SLC39A14: variants seen among roughly 807,000 people sequenced by gnomAD.
The protein encoded by SLC39A14 is solute carrier family 39 member 14, also known as metal cation symporter ZIP14.
A neutral mutation model predicts 45.5 loss-of-function variants in SLC39A14; 19 were observed. The observed-to-expected ratio is 0.42, with a 90% CI of 0.29 to 0.61. The LOEUF (loss-of-function observed/expected upper bound fraction) is 0.61. Among genes scored for constraint, SLC39A14 ranks in the 20% least tolerant of loss-of-function variants. The pLI is 0.22. For missense variants in SLC39A14, 447 were observed against 616.5 expected, an observed-to-expected ratio of 0.73 and a Z score of 2.91; for synonymous variants, 264 against 251.3, an observed-to-expected ratio of 1.05 and a Z score of -0.48.
At chr8:22,386,576 C>T (rs1229830126) in intron 1 of SLC39A14, among the ~76,000 whole-genome samples, 3 of 152,178 alleles carry the variant, frequency 2.0e-5, no homozygotes, top group Non-Finnish European at 4.4e-5. Context: ...CCAGATGACT[C>T]TTTCATTAAG....
intron 1 of SLC39A14, among the ~76,000 whole-genome samples, chr8:22,375,417 A>G (rs906826576): frequency 6.0e-5 from 9 of 150,400 alleles, no homozygotes; most frequent in African/African-American, 2.2e-4. Context: ...AGGGGATACA[A>G]TTGGCTATCT....
chr8:22,390,993 G>A (rs1028580262), intron 1 of SLC39A14, among the ~76,000 whole-genome samples: 1 of 152,216 alleles, frequency 6.6e-6, no homozygotes. Context: ...TCTGGAGCAG[G>A]CGGCTTCTTG....
intron 2 of SLC39A14, among the ~76,000 whole-genome samples, chr8:22,407,928 C>T (rs1209577370): frequency 6.6e-6 from 1 of 151,792 alleles, no homozygotes; most frequent in Non-Finnish European, 1.5e-5. Flanking sequence ...GGCTGGTCTC[C>T]AATTTCTGTC....
rs909043545 is a variant in SLC39A14 at position 22,421,036 on chromosome 8, C to G, written c.*1338C>G. 7 of 985,750 alleles carry G rather than the reference C, an allele frequency of 7.1e-6. No individual in the cohort carries two copies. In the African/African-American group the frequency reaches 8.7e-5, roughly 12 times the overall value. The allele number at this position is 985,750 out of a possible 1,614,324, so 61.1% of individuals were successfully genotyped here. A position where few individuals can be genotyped will look rare whatever the true frequency, so the allele number is the denominator to read the frequency against. On this transcript the variant is annotated 3_prime_UTR_variant, in exon 9 of 9. Coordinates refer to ENST00000381237, the MANE Select transcript of SLC39A14 (RefSeq NM_001128431.4). The stretch of plus-strand genomic sequence containing the variant: ...AGCCCTTGCCTCCGAGCTCTGGCTT[C>G]AAGGGGAGCTCTTCTCCAGGTTCAC...
chr8:22,410,041 C>T (rs1563581924), intron 3 of SLC39A14: 2 of 1,614,144 alleles, frequency 1.2e-6, no homozygotes, highest in Admixed American at 1.7e-5. Context: ...GTTTTTCAGC[C>T]GTGTGCTCAC....
chr8:22,375,071 C>T (rs1400083962), intron 1 of SLC39A14, among the ~76,000 whole-genome samples: 12 of 152,094 alleles, frequency 7.9e-5, no homozygotes. Context: ...GGAGCAACTC[C>T]ATGGCCCCAC....
intron 1 of SLC39A14, among the ~76,000 whole-genome samples, chr8:22,374,457 G>T (rs1399466991): frequency 6.6e-6 from 1 of 152,118 alleles, no homozygotes; most frequent in East Asian, 1.9e-4. Context: ...GACAGAGAAG[G>T]CTTCTTGGGG....
chr8:22,374,986 T>C (rs1386446735), intron 1 of SLC39A14, among the ~76,000 whole-genome samples: 4 of 151,794 alleles, frequency 2.6e-5, no homozygotes, highest in Non-Finnish European at 5.9e-5. Context: ...CCTCAAGTGA[T>C]CCACCCGCCT....
intron 1 of SLC39A14, among the ~76,000 whole-genome samples, chr8:22,385,279 G>A (rs1833732056): frequency 6.6e-6 from 1 of 152,166 alleles, no homozygotes; most frequent in Non-Finnish European, 1.5e-5. Context: ...CCTCATGAAT[G>A]GGCAGTGGGA....
intron 1 of SLC39A14, among the ~76,000 whole-genome samples, chr8:22,397,365 T>A (rs1440913595): frequency 1.3e-5 from 2 of 151,880 alleles, no homozygotes; most frequent in Non-Finnish European, 2.9e-5. Flanking sequence ...AATCACGAGG[T>A]CAGGAGATCG....
chr8:22,368,785 C>T (rs1832783649), intron 1 of SLC39A14, among the ~76,000 whole-genome samples: 3 of 152,180 alleles, frequency 2.0e-5, no homozygotes, highest in South Asian at 4.1e-4. Flanking sequence ...ATCCGCCCAC[C>T]TCAGCCTTCC....
At chr8:22,398,742 A>C in intron 1 of SLC39A14, 1 of 985,458 alleles carries the variant, frequency 1.0e-6, no homozygotes, top group Non-Finnish European at 1.2e-6. Context: ...GCGTCTGTGC[A>C]GGACAGAAGT....
At chr8:22,430,701 C>G (rs1836452862) in intron 8 of SLC39A14, among the ~76,000 whole-genome samples, 1 of 152,010 alleles carries the variant, frequency 6.6e-6, no homozygotes, top group Non-Finnish European at 1.5e-5. Context: ...GAGACAGGGT[C>G]TTGCTCTGTC....
chr8:22,405,094 C>A, intron 2 of SLC39A14, 114 bp downstream of exon 2: 1 of 921,318 alleles, frequency 1.1e-6, no homozygotes, highest in Non-Finnish European at 1.6e-6. Context: ...TAGGATGAGG[C>A]AGACAAGTCT....
At chr8:22,372,964 T>TTA (rs1554510520) in intron 1 of SLC39A14, among the ~76,000 whole-genome samples, 1 of 147,414 alleles carries the variant, frequency 6.8e-6, no homozygotes, top group Non-Finnish European at 1.5e-5. Flanking sequence ...ACGTTAACAT[T>TTA]AAAAAAAAAA....
chr8:22,397,195 C>A (rs1389045803), intron 1 of SLC39A14, among the ~76,000 whole-genome samples: 1 of 152,142 alleles, frequency 6.6e-6, no homozygotes, highest in Non-Finnish European at 1.5e-5. Context: ...GATTCACGTC[C>A]GTGGCCCTTC....
chr8:22,385,743 T>G (rs1477335895), intron 1 of SLC39A14, among the ~76,000 whole-genome samples: 2 of 151,868 alleles, frequency 1.3e-5, no homozygotes, highest in Non-Finnish European at 2.9e-5. Flanking sequence ...ACACCCATAA[T>G]CCTAGCACTT....
At chr8:22,389,573 A>G (rs940891276) in intron 1 of SLC39A14, among the ~76,000 whole-genome samples, 1 of 151,986 alleles carries the variant, frequency 6.6e-6, no homozygotes. Context: ...ATGCCTCGCT[A>G]CTGCTGCACA....
chr8:22,381,833 A>C (rs943712668), intron 1 of SLC39A14, among the ~76,000 whole-genome samples: 24 of 152,106 alleles, frequency 1.6e-4, no homozygotes, highest in African/African-American at 5.8e-4. Context: ...AAACAAATGA[A>C]TATATCAGCA....
Sources: gnomAD v4.1 joint callset for allele counts (sites outside exome capture counted in the v4.1 genomes callset) on GRCh38, gnomAD v4.1.1 for gene constraint, MANE v1.5 for transcripts, NCBI Gene and HGNC (gene_info 2026-07-23, HGNC 2026-07-21) for gene names.